The following RNF216 variants were observed in gnomAD, a reference collection of about 807,000 sequenced individuals.
RNF216 encodes the protein E3 ubiquitin-protein ligase RNF216.
Under a neutral mutation model 110.8 loss-of-function variants are expected in RNF216, and 72 were observed. The observed-to-expected ratio is 0.65, with a 90% confidence interval of 0.54 to 0.79. RNF216 has a LOEUF of 0.79. RNF216 is among the 30% of genes least tolerant of loss of function. RNF216 has a pLI of 0.00. For synonymous variants in RNF216, 495 were observed against 407.5 expected, an observed-to-expected ratio of 1.21 and a Z score of -2.59; for missense variants, 1,342 against 1,141.2, an observed-to-expected ratio of 1.18 and a Z score of -2.54.
intron 15 of RNF216, among the ~76,000 whole-genome samples, chr7:5,636,049 T>C (rs1290063193): frequency 1.3e-5 from 2 of 152,188 alleles, no homozygotes; most frequent in African/African-American, 4.8e-5. Flanking sequence ...ACATGCTGTT[T>C]TAAGTTTTGC....
Position 5,738,569 on chromosome 7 carries a change from G to A in RNF216, c.1121+707C>T, listed in dbSNP as rs373892123. Among the ~76,000 whole-genome samples the A allele has an allele frequency of 1.5e-4, 23 of 151,968 alleles. No individual in the cohort carries two copies. The East Asian group carries it at 2.7e-3, about 18-fold the overall frequency. ...TAAAAATACACAAAATTAGCCAGGC[G>A]TGCTGGCAGGCGCCTGTAGTCCCAG... On this transcript the variant is annotated intron_variant, in intron 5 of 16. Transcript: ENST00000389902.
intron 14 of RNF216, among the ~76,000 whole-genome samples, chr7:5,642,297 C>A (rs1787785753): frequency 1.3e-5 from 2 of 151,634 alleles, no homozygotes; most frequent in Non-Finnish European, 2.9e-5. Context: ...ACTGCAACCT[C>A]CGCCTCCCCG....
intron 13 of RNF216, among the ~76,000 whole-genome samples, chr7:5,653,706 A>C (rs1788549342): frequency 6.6e-6 from 1 of 152,158 alleles, no homozygotes; most frequent in South Asian, 2.1e-4. Context: ...GAAGGAAAAC[A>C]TAGTGTTGTC....
intron 5 of RNF216, among the ~76,000 whole-genome samples, chr7:5,736,194 T>G (rs1440624475): frequency 2.0e-5 from 3 of 152,162 alleles, no homozygotes; most frequent in African/African-American, 7.2e-5. Flanking sequence ...ACTGCTGCCA[T>G]CTCTGCTCAC....
chr7:5,632,734 G>A (rs1326437303), intron 15 of RNF216, among the ~76,000 whole-genome samples: 1 of 152,032 alleles, frequency 6.6e-6, no homozygotes, highest in African/African-American at 2.4e-5. Context: ...CCAAGATCAC[G>A]CGACTGCATT....
At chr7:5,686,408 T>G (rs571508160) in intron 13 of RNF216, among the ~76,000 whole-genome samples, 1 of 152,132 alleles carries the variant, frequency 6.6e-6, no homozygotes, top group South Asian at 2.1e-4. Flanking sequence ...GATCCCCATT[T>G]CTCTGATGAG....
intron 14 of RNF216, among the ~76,000 whole-genome samples, chr7:5,645,674 T>A (rs11509144): frequency 2.2e-3 from 331 of 152,034 alleles, no homozygotes; most frequent in Non-Finnish European, 4.1e-3. Flanking sequence ...CACTGCAACC[T>A]CCATCTGCCG....
intron 1 of RNF216, among the ~76,000 whole-genome samples, chr7:5,778,619 G>A (rs191929934): frequency 1.6e-4 from 25 of 152,334 alleles, no homozygotes; most frequent in African/African-American, 5.3e-4. Flanking sequence ...AGAATAAATA[G>A]CACTCACTAA....
At chr7:5,752,808 T>G in intron 3 of RNF216, 38 bp downstream of exon 3, 1 of 1,600,792 alleles carries the variant, frequency 6.2e-7, no homozygotes, top group Non-Finnish European at 8.5e-7. Flanking sequence ...ATCACCAACT[T>G]GCAATAATGT....
In RNF216 at chr7:5,716,756, A is replaced by G; in HGVS notation, c.1655T>C (p.Phe552Ser). The change falls in exon 10 of 17, where the codon TTT becomes TCT. Residue 552 changes from phenylalanine (F) to serine (S), a missense_variant. Phe to Ser is a radical substitution (Grantham distance 155, BLOSUM62 -2). Coordinates refer to ENST00000389902, the MANE Select transcript of RNF216 (RefSeq NM_207111.4). ...TTCATTCATCTGTAGGGCAAGCAAA[A>G]AGTCTTCATGCTGAAGAACAAAAAA... ...KIKEMAEHED[F>S]LLALQMNEEQ... 1.9e-6 allele frequency: 3 copies of G among 1,607,166 alleles called. No homozygotes were observed. Among genetic ancestry groups the G allele is most frequent in the Middle Eastern group, 1.7e-4 (1 of 5,842 alleles).
intron 5 of RNF216, 123 bp from the exon 6 acceptor site, chr7:5,730,940 T>C: frequency 7.1e-7 from 1 of 1,403,658 alleles, no homozygotes; most frequent in Non-Finnish European, 9.7e-7. Flanking sequence ...TATCAAGAAA[T>C]TAAGATGTTT....
intron 13 of RNF216, among the ~76,000 whole-genome samples, chr7:5,682,962 T>C (rs560793888): frequency 1.3e-5 from 2 of 152,284 alleles, no homozygotes; most frequent in South Asian, 2.1e-4. Flanking sequence ...GGAGCAAGCA[T>C]AGGTAAACCA....
intron 13 of RNF216, among the ~76,000 whole-genome samples, chr7:5,665,351 C>A (rs935701289): frequency 1.3e-5 from 2 of 152,142 alleles, no homozygotes; most frequent in Admixed American, 1.3e-4. Context: ...GAGGAAAGGG[C>A]TTCTTTGGGG....
At chr7:5,629,577 C>T (rs1326610945) in intron 15 of RNF216, among the ~76,000 whole-genome samples, 1 of 150,662 alleles carries the variant, frequency 6.6e-6, no homozygotes, top group Non-Finnish European at 1.5e-5. Context: ...GCCTGTAATC[C>T]CAGCACTTTG....
Position 5,634,161 on chromosome 7 carries a change from G to GGGCTGGCTGTCCACGTGCC in RNF216, c.2382+6974_2382+6992dup, listed in dbSNP as rs1285124103. On this transcript the variant is annotated intron_variant, in intron 15 of 16. Transcript: ENST00000389902. ...TTTTTTCCAACACTTCTGGTCCCCA[G>GGGCTGGCTGTCCACGTGCC]GGCTGGCTGTCCACGTGCCTGCTGG... is the stretch of plus-strand genomic sequence containing the variant. Among the ~76,000 whole-genome samples, 6 of 152,298 alleles carry GGGCTGGCTGTCCACGTGCC rather than the reference G, an allele frequency of 3.9e-5. No individual in the cohort carries two copies. The East Asian group carries it at 7.7e-4, about 20-fold the overall frequency.
At chr7:5,726,182 T>C (rs1364929172) in intron 7 of RNF216, among the ~76,000 whole-genome samples, 1 of 151,820 alleles carries the variant, frequency 6.6e-6, no homozygotes, top group Non-Finnish European at 1.5e-5. Flanking sequence ...GAGGCTAAGA[T>C]AGGACAATCA....
intron 13 of RNF216, among the ~76,000 whole-genome samples, chr7:5,681,183 A>C (rs1204953225): frequency 6.6e-6 from 1 of 152,210 alleles, no homozygotes; most frequent in Non-Finnish European, 1.5e-5. Flanking sequence ...GACACTGAAG[A>C]GCCACCTGGG....
chr7:5,697,736 T>TGCTCGCCTGGAGAAGAC (rs1791717869), intron 13 of RNF216, among the ~76,000 whole-genome samples: 1 of 152,054 alleles, frequency 6.6e-6, no homozygotes, highest in African/African-American at 2.4e-5. Flanking sequence ...GATGCAAGGG[T>TGCTCGCCTGGAGAAGAC]GCTCGCCTGG....
chr7:5,726,875 GT>G (rs1793786636), intron 7 of RNF216, among the ~76,000 whole-genome samples: 2 of 148,822 alleles, frequency 1.3e-5, no homozygotes, highest in South Asian at 4.2e-4. Context: ...AAAAAAAAAA[GT>G]GCTCAAGTCT....
Sources: allele counts gnomAD v4.1 joint callset (sites outside exome capture counted in the v4.1 genomes callset), GRCh38; gene constraint gnomAD v4.1.1; transcripts MANE v1.5; gene names NCBI Gene and HGNC (gene_info 2026-07-23, HGNC 2026-07-21).